The following PYROXD1 variants were observed in gnomAD, a reference collection of about 807,000 sequenced individuals.
PYROXD1 encodes the protein pyridine nucleotide-disulphide oxidoreductase domain 1.
A neutral mutation model predicts 62.0 loss-of-function variants in PYROXD1; 42 were observed. The observed-to-expected ratio is 0.68, with a 90% CI of 0.53 to 0.88. The LOEUF is 0.88. Ranked by LOEUF, PYROXD1 falls within the 40% of genes least tolerant of loss-of-function variation. PYROXD1 has a pLI of 0.00. For synonymous variants in PYROXD1, 170 were observed against 206.4 expected (o/e 0.82, Z 1.51); for missense variants, 493 against 604.8 (o/e 0.82, Z 1.94).
intron 7 of PYROXD1, among the ~76,000 whole-genome samples, chr12:21,459,572 A>G (rs1942657192): frequency 6.6e-6 from 1 of 152,240 alleles, no homozygotes; most frequent in African/African-American, 2.4e-5. Flanking sequence ...ACCAACTGGT[A>G]AAACACCCGG....
intron 1 of PYROXD1, among the ~76,000 whole-genome samples, chr12:21,439,864 A>G (rs1399670387): frequency 6.6e-6 from 1 of 152,236 alleles, no homozygotes; most frequent in Non-Finnish European, 1.5e-5. Context: ...TCGTCCCACA[A>G]TATGTACTGA....
chr12:21,437,828 C>A lies in PYROXD1; in HGVS notation c.84+14C>A. The A allele has an allele frequency of 6.2e-7, 1 of 1,607,950 alleles. No individual in the cohort carries two copies. The highest frequency in any genetic ancestry group is 8.5e-7 in the Non-Finnish European group (1 of 1,177,262). On this transcript the variant is annotated intron_variant, in intron 1 of 11. Transcript: ENST00000240651. ...TGTGCGGAGCAGGTAGGGCGGTGCT[C>A]AGGCGGTTCCGCCTCTTTCCCCGAC...
At chr12:21,455,046 G>T (rs2137267719) in intron 5 of PYROXD1, 86 bp from the exon 6 acceptor site, 1 of 668,810 alleles carries the variant, frequency 1.5e-6, no homozygotes, top group Non-Finnish European at 2.3e-6. Flanking sequence ...CCCTACTTTT[G>T]CTTCAGGAGA....
chr12:21,439,703 G>A (rs1942258964), intron 1 of PYROXD1, among the ~76,000 whole-genome samples: 1 of 152,202 alleles, frequency 6.6e-6, no homozygotes, highest in South Asian at 2.1e-4. Flanking sequence ...AGATTATTGA[G>A]GGTGGTGGTG....
chr12:21,463,816 T>C (rs11046074), intron 10 of PYROXD1, among the ~76,000 whole-genome samples: 3,774 of 151,666 alleles, frequency 0.025, 80 homozygotes, highest in Non-Finnish European at 0.035. Context: ...GGAACAAAAA[T>C]ACTAGAGGAA....
In PYROXD1 at chr12:21,446,146, C is replaced by T. The variant is rs377557067; in HGVS notation, c.285+680C>T. ...ACACTATAAGAAGTTGAGTTTGGGC[C>T]GGTGCGTTGGCTCACGCCTGTAATC... On this transcript the variant is annotated intron_variant, in intron 3 of 11. Coordinates refer to ENST00000240651, the MANE Select transcript of PYROXD1 (RefSeq NM_024854.5). 1.8e-4 allele frequency among the ~76,000 whole-genome samples: 28 copies of T among 152,204 alleles called. No individual in the cohort carries two copies. In the East Asian group the frequency reaches 3.1e-3, roughly 17 times the overall value.
intron 7 of PYROXD1, among the ~76,000 whole-genome samples, chr12:21,460,585 G>A (rs1231423651): frequency 6.6e-6 from 1 of 151,806 alleles, no homozygotes; most frequent in Non-Finnish European, 1.5e-5. Flanking sequence ...CACCAGGCCT[G>A]GCTAATTTTT....
At chr12:21,464,004 C>T (rs1302045670) in intron 10 of PYROXD1, among the ~76,000 whole-genome samples, 4 of 152,136 alleles carry the variant, frequency 2.6e-5, no homozygotes, top group African/African-American at 4.8e-5. Context: ...AGAGGCAGCA[C>T]CATCATTTTG....
At chr12:21,438,489 A>C (rs1942236168) in intron 1 of PYROXD1, 1 of 152,236 alleles carries the variant, frequency 6.6e-6, no homozygotes, top group African/African-American at 2.4e-5. Flanking sequence ...GTTTCCAGAT[A>C]GTTGCCAAGT....
chr12:21,443,520 T>C (rs1464582151), intron 2 of PYROXD1, among the ~76,000 whole-genome samples: 1 of 152,206 alleles, frequency 6.6e-6, no homozygotes, highest in Non-Finnish European at 1.5e-5. Flanking sequence ...TCCAAACTTT[T>C]TTTTTCCTGT....
intron 8 of PYROXD1, 69 bp from the exon 9 acceptor site, chr12:21,461,939 A>G: frequency 1.2e-6 from 1 of 861,482 alleles, no homozygotes; most frequent in Non-Finnish European, 1.9e-6. Flanking sequence ...CATTGTAGTC[A>G]CATACACTGC....
In PYROXD1 at chr12:21,468,594, A is replaced by G; in HGVS notation, c.1343A>G (p.Lys448Arg). 6 of 1,613,090 alleles carry G rather than the reference A, an allele frequency of 3.7e-6. No individual in the cohort carries two copies. The highest frequency in any genetic ancestry group is 5.1e-6 in the Non-Finnish European group (6 of 1,179,382). Residue 448 changes from lysine to arginine, a missense_variant, in exon 12 of 12, where the codon AAA becomes AGA. This residue lies in a region of PYROXD1 where 329 missense variants were observed against 446.6 expected (regional missense o/e 0.74). Coordinates refer to ENST00000240651, the MANE Select transcript of PYROXD1 (RefSeq NM_024854.5). ...LRCTKGREYI[K>R]VVMQNGRMMG... ...TGTACCAAAGGACGAGAATACATCA[A>G]AGTCGTCATGCAAAATGGACGAATG...
At chr12:21,466,549 CT>C (rs1475660179) in intron 10 of PYROXD1, among the ~76,000 whole-genome samples, 9 of 152,090 alleles carry the variant, frequency 5.9e-5, no homozygotes, top group African/African-American at 1.9e-4. Flanking sequence ...TGCTTATCAG[CT>C]TAAGATTTTG....
At chr12:21,438,030 A>G in intron 1 of PYROXD1, 2 of 579,280 alleles carry the variant, frequency 3.5e-6, no homozygotes, top group East Asian at 3.0e-5. Context: ...TGGGAGGCAA[A>G]TTATAGCCGA....
chr12:21,445,278 T>A (rs1942364652), intron 2 of PYROXD1, 69 bp from the exon 3 acceptor site: 1 of 1,406,520 alleles, frequency 7.1e-7, no homozygotes, highest in African/African-American at 1.5e-5. Flanking sequence ...CAAAGTATTT[T>A]TATTATTTAA....
chr12:21,467,484 A>C lies in PYROXD1; in HGVS notation c.1120A>C (p.Arg374=), dbSNP rs908386553. The C allele has an allele frequency of 5.6e-6, 9 of 1,593,962 alleles. No individual in the cohort carries two copies. The Admixed American group carries it at 1.3e-4, about 22-fold the overall frequency. Residue 374 remains arginine, a synonymous_variant, in exon 11 of 12, where the codon AGG becomes CGG. Transcript: ENST00000240651. ...WQLSPVWQQM[R]LWTQARQMGW... ...TAACATTTTTTCATCATTTCAGATG[A>C]GGCTGTGGACCCAGGCTAGACAGAT...
chr12:21,451,951 G>A, intron 4 of PYROXD1, 130 bp from the exon 5 acceptor site: 2 of 636,288 alleles, frequency 3.1e-6, no homozygotes, highest in East Asian at 3.2e-5. Flanking sequence ...CAGTGGGAAA[G>A]TGAGATTCAT....
chr12:21,455,440 A>G (rs1435279304), intron 6 of PYROXD1, 148 bp downstream of exon 6: 2 of 302,560 alleles, frequency 6.6e-6, no homozygotes, highest in East Asian at 5.5e-5. Flanking sequence ...CAGATTTTCT[A>G]TTTTATATAT....
chr12:21,438,565 A>G (rs1352097048), intron 1 of PYROXD1: 2 of 152,196 alleles, frequency 1.3e-5, no homozygotes, highest in Non-Finnish European at 2.9e-5. Flanking sequence ...TCGAACTCCC[A>G]AGATAGAAGA....
Sources: gnomAD v4.1 joint callset for allele counts (sites outside exome capture counted in the v4.1 genomes callset) on GRCh38, gnomAD v4.1.1 for gene constraint, gnomAD v4.1.1 regional missense constraint, MANE v1.5 for transcripts, NCBI Gene and HGNC (gene_info 2026-07-23, HGNC 2026-07-21) for gene names.